USP34: variants seen among roughly 807,000 people sequenced by gnomAD.
USP34 encodes ubiquitin specific peptidase 34.
A neutral mutation model predicts 460.3 loss-of-function variants in USP34; 70 were observed. The ratio of observed to expected loss-of-function variants is 0.15; its 90% CI spans 0.13 to 0.19. The LOEUF (loss-of-function observed/expected upper bound fraction) is 0.19. USP34 is among the 10% of genes least tolerant of loss of function. The pLI is 1.00. For missense variants in USP34, 3,985 were observed against 4,236.2 expected (o/e 0.94, Z 1.65); for synonymous variants, 1,647 against 1,405.3 (o/e 1.17, Z -3.85).
At chr2:61,274,922 G>T (rs1352470419) in intron 41 of USP34, among the ~76,000 whole-genome samples, 2 of 152,132 alleles carry the variant, frequency 1.3e-5, no homozygotes, top group Non-Finnish European at 1.5e-5. Flanking sequence ...AATATCACTA[G>T]AAATAGTTTA....
intron 27 of USP34, among the ~76,000 whole-genome samples, chr2:61,303,841 C>T (rs561486831): frequency 1.1e-4 from 16 of 150,788 alleles, no homozygotes; most frequent in African/African-American, 2.2e-4. Context: ...GTGATCTGCC[C>T]GCCTCGGCCT....
rs1690795508 is a variant in USP34 at position 61,317,773 on chromosome 2, G to A, written c.3169-6C>T. ...TCAGGTTTTAGCTGGGGCATCTTTG[G>A]AAGGGTAGGGGGAAACACAAAGCTA... On this transcript the variant is annotated splice_polypyrimidine_tract_variant and splice_region_variant and intron_variant, in intron 22 of 79. Coordinates refer to ENST00000398571, the MANE Select transcript of USP34 (RefSeq NM_014709.4). 3 of 1,609,870 alleles carry A rather than the reference G, an allele frequency of 1.9e-6. No homozygotes were observed. Among genetic ancestry groups the A allele is most frequent in the Non-Finnish European group, 2.5e-6 (3 of 1,176,518 alleles).
chr2:61,408,712 A>G (rs535516041), intron 2 of USP34, among the ~76,000 whole-genome samples: 74 of 152,148 alleles, frequency 4.9e-4, no homozygotes, highest in Non-Finnish European at 8.8e-4. Context: ...CCTGGCCAAC[A>G]TGGTGAAACC....
chr2:61,222,138 G>A (rs533114320), intron 65 of USP34, among the ~76,000 whole-genome samples: 1 of 152,260 alleles, frequency 6.6e-6, no homozygotes, highest in South Asian at 2.1e-4. Flanking sequence ...AGACAACTGT[G>A]TTCTATTGAA....
In USP34 at chr2:61,211,709, A is replaced by G; in HGVS notation, c.8840+63T>C. On this transcript the variant is annotated intron_variant, in intron 69 of 79. Transcript: ENST00000398571. ...CAATGTAAATGATTTATCTTTAAAC[A>G]TCAAAAGGATGGTCCTCATCTCACT... 6 of 1,439,756 alleles carry G rather than the reference A, an allele frequency of 4.2e-6. No homozygotes were observed. In the South Asian group the frequency reaches 9.1e-5, roughly 22 times the overall value. The allele number at this position is 1,439,756 out of a possible 1,614,324, so 89.2% of individuals were successfully genotyped here.
chr2:61,434,923 C>T (rs555222095), intron 1 of USP34, among the ~76,000 whole-genome samples: 13 of 151,956 alleles, frequency 8.6e-5, no homozygotes, highest in African/African-American at 1.9e-4. Flanking sequence ...CTCAAAATAA[C>T]GATCTTAAGG....
chr2:61,328,458 A>G (rs974808006), intron 20 of USP34, among the ~76,000 whole-genome samples: 2 of 152,212 alleles, frequency 1.3e-5, no homozygotes, highest in African/African-American at 4.8e-5. Context: ...CCACTGGAAA[A>G]AAAATACTGA....
chr2:61,251,466 T>C (rs1688580716), intron 48 of USP34, among the ~76,000 whole-genome samples: 1 of 152,240 alleles, frequency 6.6e-6, no homozygotes, highest in South Asian at 2.1e-4. Context: ...ATGCTAATTT[T>C]TCTTAATAAA....
intron 1 of USP34, among the ~76,000 whole-genome samples, chr2:61,454,080 A>G (rs933005057): frequency 1.3e-5 from 2 of 152,158 alleles, no homozygotes; most frequent in African/African-American, 2.4e-5. Flanking sequence ...CAAGGTTTGT[A>G]TTTCTTCAGT....
At chr2:61,399,155 C>A (rs1230846555) in intron 3 of USP34, among the ~76,000 whole-genome samples, 2 of 151,854 alleles carry the variant, frequency 1.3e-5, no homozygotes, top group Non-Finnish European at 2.9e-5. Context: ...GAGTTCAAGA[C>A]CAGCCTAACA....
chr2:61,300,805 AAACAAAAAAAAAATG>A (rs1252582820), intron 29 of USP34, 131 bp downstream of exon 29: 9 of 599,924 alleles, frequency 1.5e-5, no homozygotes, highest in South Asian at 3.6e-5. Flanking sequence ...CAAAAAAAGA[AAACAAAAAAAAAATG>A]AACAAAAAAA....
chr2:61,439,967 T>C (rs1694919593), intron 1 of USP34, among the ~76,000 whole-genome samples: 1 of 152,046 alleles, frequency 6.6e-6, no homozygotes, highest in South Asian at 2.1e-4. Context: ...GACAGGGGCA[T>C]CCTAGCCTAG....
At chr2:61,372,199 T>C (rs1692649053) in intron 8 of USP34, among the ~76,000 whole-genome samples, 1 of 152,136 alleles carries the variant, frequency 6.6e-6, no homozygotes, top group South Asian at 2.1e-4. Flanking sequence ...CATTCTATAA[T>C]AGAATTTTAT....
At chr2:61,422,561 G>C (rs1208567000) in intron 1 of USP34, among the ~76,000 whole-genome samples, 1 of 152,144 alleles carries the variant, frequency 6.6e-6, no homozygotes, top group Admixed American at 6.5e-5. Flanking sequence ...TCTAAGATTA[G>C]GACCAAGATA....
intron 29 of USP34, among the ~76,000 whole-genome samples, chr2:61,298,486 C>T (rs1002159864): frequency 5.8e-5 from 7 of 119,776 alleles, no homozygotes; most frequent in Admixed American, 2.4e-4. Context: ...TGCAGTGAGC[C>T]GATAACTTGT....
intron 61 of USP34, among the ~76,000 whole-genome samples, chr2:61,228,145 T>C (rs1461162974): frequency 1.3e-5 from 2 of 152,216 alleles, no homozygotes; most frequent in African/African-American, 4.8e-5. Context: ...ATCTGTTAAA[T>C]GGAGATATAA....
chr2:61,206,692 T>C, intron 71 of USP34, 68 bp downstream of exon 71: 4 of 1,565,610 alleles, frequency 2.6e-6, no homozygotes, highest in African/African-American at 1.4e-5. Context: ...CTGGGGCACA[T>C]GATTTTAAAA....
At chr2:61,417,719 C>CTTTTTTTTTTTTTTTTTTTTTTTT (rs201901250) in intron 2 of USP34, among the ~76,000 whole-genome samples, 3 of 130,766 alleles carry the variant, frequency 2.3e-5, no homozygotes, top group South Asian at 2.2e-4. Flanking sequence ...ATACTAAAAT[C>CTTTTTTTTTTTTTTTTTTTTTTTT]TTTTTTTTTT....
At chr2:61,375,768 CAAAAAAAAA>C (rs56304309) in intron 8 of USP34, among the ~76,000 whole-genome samples, 42,430 of 80,888 alleles carry the variant, frequency 0.52, 7,612 homozygotes, top group South Asian at 0.61. Flanking sequence ...GACTCTGTCT[CAAAAAAAAA>C]AAAAAAAAAA....
Sources: allele counts gnomAD v4.1 joint callset (sites outside exome capture counted in the v4.1 genomes callset), GRCh38; gene constraint gnomAD v4.1.1; transcripts MANE v1.5; gene names NCBI Gene and HGNC (gene_info 2026-07-23, HGNC 2026-07-21).